The following GFRA1 variants were observed in gnomAD, a reference collection of about 807,000 sequenced individuals.
GFRA1 encodes the protein GDNF family receptor alpha 1, also known as GDNF family receptor alpha-1.
Under a neutral mutation model 51.6 loss-of-function variants are expected in GFRA1, and 16 were observed. The observed-to-expected ratio is 0.31, with a 90% CI of 0.21 to 0.47. GFRA1 has a LOEUF of 0.47. Ranked by LOEUF, GFRA1 falls within the 20% of genes least tolerant of loss-of-function variation. The pLI, the probability that GFRA1 is intolerant of heterozygous loss-of-function variation, is 1.00. For missense variants in GFRA1, 530 were observed against 594.3 expected (o/e 0.89, Z 1.13); for synonymous variants, 270 against 241.3 (o/e 1.12, Z -1.10).
rs376462833 is a variant in GFRA1 at position 116,215,935 on chromosome 10, C to T, written c.419-4290G>A. On this transcript the variant is annotated intron_variant, in intron 4 of 10. Transcript: ENST00000355422. ...CTGGTCCTATAGATAGATGAAAGGG[C>T]GTGTATAAGTTGGTGATTCAGATGT... Among the ~76,000 whole-genome samples, 22 of 152,122 alleles carry T rather than the reference C, an allele frequency of 1.4e-4. No individual in the cohort carries two copies. In the East Asian group the frequency reaches 2.1e-3, roughly 15 times the overall value.
chr10:116,172,850 A>C (rs1326799056), intron 5 of GFRA1, among the ~76,000 whole-genome samples: 1 of 152,184 alleles, frequency 6.6e-6, no homozygotes, highest in Non-Finnish European at 1.5e-5. Flanking sequence ...CTCAGTTTGC[A>C]CTTTGGAACA....
intron 5 of GFRA1, among the ~76,000 whole-genome samples, chr10:116,199,032 A>T (rs1212269291): frequency 6.6e-6 from 1 of 152,144 alleles, no homozygotes; most frequent in Admixed American, 6.5e-5. Flanking sequence ...GCCAGGGAAT[A>T]CTACGGGCTG....
chr10:116,168,377 G>A (rs1355300281), intron 5 of GFRA1, among the ~76,000 whole-genome samples: 1 of 152,096 alleles, frequency 6.6e-6, no homozygotes, highest in African/African-American at 2.4e-5. Context: ...AGCAAGGCAG[G>A]GAAAAATCAG....
chr10:116,173,272 G>A (rs1390683519), intron 5 of GFRA1, among the ~76,000 whole-genome samples: 3 of 152,156 alleles, frequency 2.0e-5, no homozygotes, highest in Non-Finnish European at 2.9e-5. Context: ...TGCTTTTCCT[G>A]GTGGCTGAGC....
intron 4 of GFRA1, among the ~76,000 whole-genome samples, chr10:116,247,959 T>G (rs1190263526): frequency 6.6e-6 from 1 of 152,194 alleles, no homozygotes; most frequent in East Asian, 1.9e-4. Context: ...GACTTCAGCT[T>G]TCCCTGTAAT....
chr10:116,127,359 G>A (rs1957922127), intron 5 of GFRA1, among the ~76,000 whole-genome samples: 1 of 152,338 alleles, frequency 6.6e-6, no homozygotes, highest in South Asian at 2.1e-4. Context: ...CTGTTCTACT[G>A]AAGATGCGTC....
intron 5 of GFRA1, among the ~76,000 whole-genome samples, chr10:116,193,356 A>G (rs1963440819): frequency 6.6e-6 from 1 of 152,172 alleles, no homozygotes; most frequent in Non-Finnish European, 1.5e-5. Flanking sequence ...TTGATTCTTA[A>G]AAATCTATTA....
Position 116,125,348 on chromosome 10 carries a change from A to G in GFRA1, c.643T>C (p.Ser215Pro), listed in dbSNP as rs762318978. The G allele has an allele frequency of 1.2e-6, 2 of 1,614,104 alleles. No individual in the cohort carries two copies. Among genetic ancestry groups the G allele is most frequent in the Non-Finnish European group, 8.5e-7 (1 of 1,180,050 alleles). The part of the protein sequence containing the change: ...AKHSYGMLFC[S>P]CRDIACTERR... ...TCTGTGCAGGCGATGTCCCGGCAGG[A>G]GCAGAAGAGCATTCCGTAGCTGTGC... The change falls in exon 6 of 11, where the codon TCC becomes CCC. Residue 215 changes from serine (S) to proline (P), a missense_variant. Physicochemically the swap from Ser to Pro is moderately conservative, Grantham distance 74 (BLOSUM62 -1). Transcript: ENST00000355422.
intron 10 of GFRA1, 64 bp from the exon 11 acceptor site, chr10:116,064,608 A>T: frequency 6.9e-7 from 1 of 1,450,202 alleles, no homozygotes; most frequent in Admixed American, 1.7e-5. Context: ...AGTATACTTT[A>T]CACTCTCTCT....
chr10:116,204,194 A>C (rs1173688289), intron 5 of GFRA1, among the ~76,000 whole-genome samples: 2 of 152,248 alleles, frequency 1.3e-5, no homozygotes, highest in Non-Finnish European at 2.9e-5. Flanking sequence ...CAGGTGTCTT[A>C]CCATGGGAGT....
At chr10:116,089,694 C>A (rs201889971) in intron 9 of GFRA1, 47 bp downstream of exon 9, 3 of 1,517,376 alleles carry the variant, frequency 2.0e-6, no homozygotes, top group Non-Finnish European at 2.7e-6. Flanking sequence ...GTTTCACCCC[C>A]CCACCAGGAA....
chr10:116,101,742 C>A (rs1565576229), intron 6 of GFRA1, among the ~76,000 whole-genome samples: 1 of 152,108 alleles, frequency 6.6e-6, no homozygotes, highest in South Asian at 2.1e-4. Flanking sequence ...TCTTCCAGAA[C>A]AAATCCCATA....
chr10:116,218,409 T>C (rs1008515247), intron 4 of GFRA1, among the ~76,000 whole-genome samples: 1 of 152,216 alleles, frequency 6.6e-6, no homozygotes, highest in Non-Finnish European at 1.5e-5. Context: ...CGGGGTTCTA[T>C]GGAGAATCTG....
At chr10:116,249,592 T>C (rs1171893724) in intron 4 of GFRA1, among the ~76,000 whole-genome samples, 2 of 152,164 alleles carry the variant, frequency 1.3e-5, no homozygotes, top group Non-Finnish European at 1.5e-5. Flanking sequence ...GGCAAGACCG[T>C]AGGCTCCCTC....
intron 5 of GFRA1, among the ~76,000 whole-genome samples, chr10:116,186,501 T>C (rs2134299014): frequency 6.6e-6 from 1 of 150,842 alleles, no homozygotes; most frequent in Admixed American, 6.6e-5. Context: ...TTTCCACATA[T>C]GTCTGGGACA....
chr10:116,272,002 G>C lies in GFRA1; in HGVS notation c.28C>G (p.Leu10Val). The C allele has an allele frequency of 1.9e-6, 3 of 1,558,266 alleles. No homozygotes were observed. Among genetic ancestry groups the C allele is most frequent in the Non-Finnish European group, 2.6e-6 (3 of 1,151,660 alleles). Reference sequence around the variant, plus strand: ...GGCCTCGACTTACCCAAGAGCGGCAGCGCGAAGTACAGGGTCGCCAGGAAC... The same window carrying C: ...GGCCTCGACTTACCCAAGAGCGGCACCGCGAAGTACAGGGTCGCCAGGAAC... Reference protein sequence around the residue: MFLATLYFALPLLDLLLSAE... With the variant: MFLATLYFAVPLLDLLLSAE... The change falls in exon 2 of 11, where the codon CTG (leucine) becomes GTG (valine). Residue 10 changes from leucine (L) to valine (V), a missense_variant. By Grantham distance (32) the Leu-to-Val change is conservative. Coordinates refer to ENST00000355422, the MANE Select transcript of GFRA1 (RefSeq NM_005264.8). This position sits in a 1 kb window ranked among gnomAD's most constrained non-coding sequence, Gnocchi z 4.4.
At chr10:116,107,323 G>A (rs1957043932) in intron 6 of GFRA1, among the ~76,000 whole-genome samples, 1 of 152,158 alleles carries the variant, frequency 6.6e-6, no homozygotes, top group Non-Finnish European at 1.5e-5. Flanking sequence ...CTGACCCTGA[G>A]ACCTTATGAA....
chr10:116,181,242 G>A (rs917641110), intron 5 of GFRA1, among the ~76,000 whole-genome samples: 2 of 152,190 alleles, frequency 1.3e-5, no homozygotes, highest in African/African-American at 4.8e-5. Flanking sequence ...GGAAATGGGG[G>A]TAGAAATGCT....
At chr10:116,164,600 C>G (rs1960180677) in intron 5 of GFRA1, among the ~76,000 whole-genome samples, 1 of 152,178 alleles carries the variant, frequency 6.6e-6, no homozygotes, top group Non-Finnish European at 1.5e-5. Context: ...TTTTCGGATT[C>G]TCATTCAGTG....
Sources: allele counts gnomAD v4.1 joint callset (sites outside exome capture counted in the v4.1 genomes callset), GRCh38; gene constraint gnomAD v4.1.1; non-coding constraint Gnocchi (gnomAD v3.1); transcripts MANE v1.5; gene names NCBI Gene and HGNC (gene_info 2026-07-23, HGNC 2026-07-21).